The following TMEM185B variants were observed in gnomAD, a reference collection of about 807,000 sequenced individuals.
TMEM185B encodes ee3_2.
Under a neutral mutation model 26.2 loss-of-function variants are expected in TMEM185B, and 9 were observed. That is an observed-to-expected ratio of 0.34 (90% CI 0.21 to 0.60). TMEM185B has a LOEUF of 0.60. Among genes scored for constraint, TMEM185B ranks in the 20% least tolerant of loss-of-function variants. The probability of loss-of-function intolerance (pLI) is 0.80; values close to 1 mark genes in which losing one functional copy is unlikely to be tolerated. For synonymous variants in TMEM185B, 204 were observed against 191.8 expected, an observed-to-expected ratio of 1.06 and a Z score of -0.52; for missense variants, 392 against 447.9, an observed-to-expected ratio of 0.88 and a Z score of 1.13.
In TMEM185B at chr2:120,217,762, C is replaced by T. The variant is rs1688526273; in HGVS notation, c.*4162G>A. Among the ~76,000 whole-genome samples, 1 of 152,192 alleles carries T rather than the reference C, an allele frequency of 6.6e-6. No homozygotes were observed. Among genetic ancestry groups the T allele is most frequent in the Non-Finnish European group, 1.5e-5 (1 of 68,042 alleles). On this transcript the variant is annotated 3_prime_UTR_variant, in exon 1 of 1. Transcript: ENST00000426077. ...TGAGGACCCTCAGGGGTCCTTGGAC[C>T]ACACTGCCGAGGGCATGGTGTGGCA... is the stretch of plus-strand genomic sequence containing the variant.
Position 120,222,207 on chromosome 2 carries a change from AAAGT to A in TMEM185B, c.766_769del (p.Thr256Ter). ...CTTTCGCCTAAATGTTGTGGCCATT[AAAGT>A]TAGTAAGGAAAGCCAAAGGGGGACA... On this transcript the variant is annotated frameshift_variant, in exon 1 of 1. Coordinates refer to ENST00000426077, the MANE Select transcript of TMEM185B (RefSeq NM_024121.3). LOFTEE classifies it high-confidence loss of function. 6.5e-7 allele frequency: 1 copy of A among 1,540,210 alleles called. No individual in the cohort carries two copies. The highest frequency in any genetic ancestry group is 8.7e-7 in the Non-Finnish European group (1 of 1,147,778).
chr2:120,222,838 T>C lies in TMEM185B; in HGVS notation c.139A>G (p.Ile47Val). 6.6e-7 allele frequency: 1 copy of C among 1,511,414 alleles called. No individual in the cohort carries two copies. 93.6% of individuals were successfully genotyped at this position (1,511,414 alleles called of 1,614,324 possible). A position where few individuals can be genotyped will look rare whatever the true frequency, so the allele number is the denominator to read the frequency against. The change falls in exon 1 of 1, where the codon ATA (isoleucine) becomes GTA (valine). Residue 47 changes from isoleucine (I) to valine (V), a missense_variant. Physicochemically the swap from Ile to Val is conservative, Grantham distance 29. Coordinates refer to ENST00000426077, the MANE Select transcript of TMEM185B (RefSeq NM_024121.3). ...QWSYWAVFAPIWLWKLLVVAG... is the reference protein window; with the variant it reads ...QWSYWAVFAPVWLWKLLVVAG... Reference sequence around the variant, plus strand: ...ACGACTAGAAGCTTCCACAGCCATATGGGGGCAAAGACGGCCCAGTAGCTC... The same window carrying C: ...ACGACTAGAAGCTTCCACAGCCATACGGGGGCAAAGACGGCCCAGTAGCTC...
Position 120,221,038 on chromosome 2 carries a change from T to C in TMEM185B, c.*886A>G, listed in dbSNP as rs1688577956. Among the ~76,000 whole-genome samples, 1 of 152,204 alleles carries C rather than the reference T, an allele frequency of 6.6e-6. No individual in the cohort carries two copies. Among genetic ancestry groups the C allele is most frequent in the Admixed American group, 6.5e-5 (1 of 15,290 alleles). On this transcript the variant is annotated 3_prime_UTR_variant, in exon 1 of 1. Transcript: ENST00000426077. ...GTGTGGAAAAATTCAAGTTGCTAAA[T>C]AACAGTGTCACTTTATGGCCTGGTA...
At position 120,222,345 on chromosome 2, in the gene TMEM185B, A is replaced by G. The variant is rs1199334887; in HGVS notation, c.632T>C (p.Val211Ala). The G allele has an allele frequency of 6.5e-7, 1 of 1,536,186 alleles. No homozygotes were observed. The highest frequency in any genetic ancestry group is 2.0e-5 in the Admixed American group (1 of 51,006). ...CGTTATCCAACTGATAGCCATGGTCACGTGTGTTCTCCGCTGCTCGGCAAC... is the reference window on the plus strand; with the variant it reads ...CGTTATCCAACTGATAGCCATGGTCGCGTGTGTTCTCCGCTGCTCGGCAAC... ...DVVAEQRRTH[V>A]TMAISWITIV... is the part of the protein sequence containing the mutation. The change falls in exon 1 of 1, where the codon GTG becomes GCG. Residue 211 changes from valine (V) to alanine (A), a missense_variant. Val to Ala is a moderately conservative substitution (Grantham distance 64). Transcript: ENST00000426077.
Position 120,218,862 on chromosome 2 carries a change from G to A in TMEM185B, c.*3062C>T, listed in dbSNP as rs1489617411. Among the ~76,000 whole-genome samples, 2 of 152,242 alleles carry A rather than the reference G, an allele frequency of 1.3e-5. No individual in the cohort carries two copies. Among genetic ancestry groups the A allele is most frequent in the Non-Finnish European group, 2.9e-5 (2 of 68,042 alleles). On this transcript the variant is annotated 3_prime_UTR_variant, in exon 1 of 1. Transcript: ENST00000426077. The stretch of plus-strand genomic sequence containing the variant: ...CTTGAGAACCATTTTGTAATACTGA[G>A]GTCACGGAGTGACAGCCCCCTGTGT...
chr2:120,221,704 A>G lies in TMEM185B; in HGVS notation c.*220T>C, dbSNP rs1339657959. 15 of 549,346 alleles carry G rather than the reference A, an allele frequency of 2.7e-5. No individual in the cohort carries two copies. Among genetic ancestry groups the G allele is most frequent in the Non-Finnish European group, 4.5e-5 (14 of 314,028 alleles). 34.0% of individuals were successfully genotyped at this position (549,346 alleles called of 1,614,324 possible). A position where few individuals can be genotyped will look rare whatever the true frequency, so the allele number is the denominator to read the frequency against. ...GACTTACTGCCCCCAGCTACACCTG[A>G]AAGTGCGAACCTGGAAAGCAAGTCT... On this transcript the variant is annotated 3_prime_UTR_variant, in exon 1 of 1. Coordinates refer to ENST00000426077, the MANE Select transcript of TMEM185B (RefSeq NM_024121.3).
At position 120,222,656 on chromosome 2, in the gene TMEM185B, C is replaced by G. The variant is rs781203523; in HGVS notation, c.321G>C (p.Arg107Ser). ...FEVLVCDRVE[R>S]GTHFWLLVFM... ...AGACCAGCAGCCAGAAGTGGGTGCC[C>G]CTCTCCACCCTGTCGCAGACCAGGA... Residue 107 changes from arginine to serine, a missense_variant, in exon 1 of 1, where the codon AGG becomes AGC. This residue lies in a region of TMEM185B where 175 missense variants were observed against 169.1 expected (regional missense o/e 1.03). Transcript: ENST00000426077. The G allele has an allele frequency of 2.6e-6, 4 of 1,536,470 alleles. No individual in the cohort carries two copies. The highest frequency in any genetic ancestry group is 3.5e-6 in the Non-Finnish European group (4 of 1,146,998).
chr2:120,219,919 T>C lies in TMEM185B; in HGVS notation c.*2005A>G, dbSNP rs890195660. On this transcript the variant is annotated 3_prime_UTR_variant, in exon 1 of 1. Coordinates refer to ENST00000426077, the MANE Select transcript of TMEM185B (RefSeq NM_024121.3). ...GCTCGGGGTAGGTCTTCAAGAAATA[T>C]TGAGAATATGAATGAATCAATGAAT... 1.3e-5 allele frequency among the ~76,000 whole-genome samples: 2 copies of C among 152,170 alleles called. No homozygotes were observed. Among genetic ancestry groups the C allele is most frequent in the African/African-American group, 4.8e-5 (2 of 41,438 alleles).
At position 120,222,148 on chromosome 2, in the gene TMEM185B, C is replaced by A. The variant is rs977777131; in HGVS notation, c.829G>T (p.Asp277Tyr). Residue 277 changes from aspartate to tyrosine, a missense_variant, in exon 1 of 1, where the codon GAC becomes TAC. By Grantham distance (160) the Asp-to-Tyr change is radical. Around this residue, in one of 3 missense-constraint regions of TMEM185B, gnomAD observed 176 missense variants for 201.6 expected, o/e 0.87. Coordinates refer to ENST00000426077, the MANE Select transcript of TMEM185B (RefSeq NM_024121.3). ...GNHWWFGIRRDFCQFLLEIFP... is the reference protein window; with the variant it reads ...GNHWWFGIRRYFCQFLLEIFP... Reference sequence around the variant, plus strand: ...ATTTCAAGCAGAAACTGACAGAAGTCTCTGCGAATGCCAAACCACCAATGA... The same window carrying A: ...ATTTCAAGCAGAAACTGACAGAAGTATCTGCGAATGCCAAACCACCAATGA... 3.3e-5 allele frequency: 52 copies of A among 1,563,370 alleles called. No homozygotes were observed. Among genetic ancestry groups the A allele is most frequent in the Non-Finnish European group, 4.5e-5 (52 of 1,155,736 alleles).
rs1688540679 is a variant in TMEM185B at position 120,218,870 on chromosome 2, A to G, written c.*3054T>C. 6.6e-6 allele frequency among the ~76,000 whole-genome samples: 1 copy of G among 152,224 alleles called. No individual in the cohort carries two copies. The highest frequency in any genetic ancestry group is 2.4e-5 in the African/African-American group (1 of 41,464). On this transcript the variant is annotated 3_prime_UTR_variant, in exon 1 of 1. Coordinates refer to ENST00000426077, the MANE Select transcript of TMEM185B (RefSeq NM_024121.3). Reference sequence around the variant, plus strand: ...CCATTTTGTAATACTGAGGTCACGGAGTGACAGCCCCCTGTGTGGACTGTG... The same window carrying G: ...CCATTTTGTAATACTGAGGTCACGGGGTGACAGCCCCCTGTGTGGACTGTG...
rs369763701 is a variant in TMEM185B, at chr2:120,223,265, G to C, written c.-289C>G. 4.0e-6 allele frequency: 1 copy of C among 248,054 alleles called. No homozygotes were observed. The highest frequency in any genetic ancestry group is 7.4e-5 in the East Asian group (1 of 13,528). 15.4% of individuals were successfully genotyped at this position (248,054 alleles called of 1,614,324 possible). A position where few individuals can be genotyped will look rare whatever the true frequency, so the allele number is the denominator to read the frequency against. ...CTGCCTCGGTCCCGCCGCCGCCCGCGTTCACTCCGTACCCATCAAGAAGGC... is the reference window on the plus strand; with the variant it reads ...CTGCCTCGGTCCCGCCGCCGCCCGCCTTCACTCCGTACCCATCAAGAAGGC... On this transcript the variant is annotated 5_prime_UTR_variant, in exon 1 of 1. Coordinates refer to ENST00000426077, the MANE Select transcript of TMEM185B (RefSeq NM_024121.3).
At position 120,220,971 on chromosome 2, in the gene TMEM185B, T is replaced by C. The variant is rs748829011; in HGVS notation, c.*953A>G. ...ACTAATAGTTTAAGATTCTTAGAAA[T>C]GGACAAACCACTTGTTGCTTATTTC... is the stretch of plus-strand genomic sequence containing the variant. On this transcript the variant is annotated 3_prime_UTR_variant, in exon 1 of 1. Coordinates refer to ENST00000426077, the MANE Select transcript of TMEM185B (RefSeq NM_024121.3). Among the ~76,000 whole-genome samples the C allele has an allele frequency of 3.9e-5, 6 of 152,186 alleles. No individual in the cohort carries two copies. Among genetic ancestry groups the C allele is most frequent in the Non-Finnish European group, 8.8e-5 (6 of 68,018 alleles).
At position 120,218,897 on chromosome 2, in the gene TMEM185B, T is replaced by C. The variant is rs1330035219; in HGVS notation, c.*3027A>G. 6.6e-6 allele frequency among the ~76,000 whole-genome samples: 1 copy of C among 152,258 alleles called. No individual in the cohort carries two copies. The highest frequency in any genetic ancestry group is 1.5e-5 in the Non-Finnish European group (1 of 68,048). ...TGACAGCCCCCTGTGTGGACTGTGC[T>C]TGTTCCTTGGCCATGCACTGCCTCA... On this transcript the variant is annotated 3_prime_UTR_variant, in exon 1 of 1. Transcript: ENST00000426077.
chr2:120,222,553 G>A lies in TMEM185B; in HGVS notation c.424C>T (p.Leu142=). The change falls in exon 1 of 1, where the codon CTG becomes TTG. Residue 142 remains leucine, a synonymous_variant. Coordinates refer to ENST00000426077, the MANE Select transcript of TMEM185B (RefSeq NM_024121.3). ...ATGTTGACCGAGCACAGGATCTCCA[G>A]CTCCAGCGACCTATCGTGTCGAAAG... ...WGFRHDRSLE[L]EILCSVNILQ... 2 of 1,536,402 alleles carry A rather than the reference G, an allele frequency of 1.3e-6. No individual in the cohort carries two copies. Among genetic ancestry groups the A allele is most frequent in the Non-Finnish European group, 1.7e-6 (2 of 1,146,974 alleles).
In TMEM185B at chr2:120,222,298, A is replaced by C; in HGVS notation, c.679T>G (p.Phe227Val). The C allele has an allele frequency of 6.5e-7, 1 of 1,536,244 alleles. No individual in the cohort carries two copies. Among genetic ancestry groups the C allele is most frequent in the Non-Finnish European group, 8.7e-7 (1 of 1,146,930 alleles). ...WITIVVPLLT[F>V]EVLLVHRLDG... ...AATCTGTGAACCAGCAGGACCTCAA[A>C]AGTGAGCAGAGGCACGACAATCGTT... Residue 227 changes from phenylalanine (F) to valine (V), a missense_variant, in exon 1 of 1, where the codon TTT becomes GTT. Physicochemically the swap from Phe to Val is conservative, Grantham distance 50. Around this residue, in one of 3 missense-constraint regions of TMEM185B, gnomAD observed 176 missense variants for 201.6 expected, o/e 0.87. Transcript: ENST00000426077.
Position 120,218,096 on chromosome 2 carries a change from T to C in TMEM185B, c.*3828A>G, listed in dbSNP as rs1688530454. Among the ~76,000 whole-genome samples the C allele has an allele frequency of 6.6e-6, 1 of 152,206 alleles. No individual in the cohort carries two copies. The highest frequency in any genetic ancestry group is 1.5e-5 in the Non-Finnish European group (1 of 68,038). ...GAACACCCTTCCTTTTGGGAAAATC[T>C]TTTATCGAGTGAGTTCTGGCAGAGT... On this transcript the variant is annotated 3_prime_UTR_variant, in exon 1 of 1. Coordinates refer to ENST00000426077, the MANE Select transcript of TMEM185B (RefSeq NM_024121.3).
In TMEM185B at chr2:120,222,670, C is replaced by T; in HGVS notation, c.307G>A (p.Asp103Asn). ...AAGTGGGTGCCCCTCTCCACCCTGTCGCAGACCAGGACTTCGAACATGAGC... is the reference window on the plus strand; with the variant it reads ...AAGTGGGTGCCCCTCTCCACCCTGTTGCAGACCAGGACTTCGAACATGAGC... ...LLLMFEVLVC[D>N]RVERGTHFWL... The change falls in exon 1 of 1, where the codon GAC (aspartate) becomes AAC (asparagine). Residue 103 changes from aspartate (D) to asparagine (N), a missense_variant. By Grantham distance (23) the Asp-to-Asn change is conservative. This residue lies in a region of TMEM185B where 175 missense variants were observed against 169.1 expected (regional missense o/e 1.03). Coordinates refer to ENST00000426077, the MANE Select transcript of TMEM185B (RefSeq NM_024121.3). 6.5e-7 allele frequency: 1 copy of T among 1,536,536 alleles called. No homozygotes were observed. Among genetic ancestry groups the T allele is most frequent in the South Asian group, 1.2e-5 (1 of 84,062 alleles).
Position 120,223,209 on chromosome 2 carries a change from C to G in TMEM185B, c.-233G>C, listed in dbSNP as rs1266511277. On this transcript the variant is annotated 5_prime_UTR_variant, in exon 1 of 1. Coordinates refer to ENST00000426077, the MANE Select transcript of TMEM185B (RefSeq NM_024121.3). Reference sequence around the variant, plus strand: ...CGCGCTGGGGTGTGGCGCGCGCGGGCACGGGCGGCGCGGCGGTTACAAACT... The same window carrying G: ...CGCGCTGGGGTGTGGCGCGCGCGGGGACGGGCGGCGCGGCGGTTACAAACT... The G allele has an allele frequency of 1.2e-5, 4 of 327,452 alleles. No homozygotes were observed. Among genetic ancestry groups the G allele is most frequent in the Non-Finnish European group, 1.1e-5 (2 of 180,966 alleles). 20.3% of individuals were successfully genotyped at this position (327,452 alleles called of 1,614,324 possible).
Position 120,221,098 on chromosome 2 carries a change from G to C in TMEM185B, c.*826C>G, listed in dbSNP as rs973333914. Among the ~76,000 whole-genome samples, 1 of 152,200 alleles carries C rather than the reference G, an allele frequency of 6.6e-6. No homozygotes were observed. The highest frequency in any genetic ancestry group is 1.5e-5 in the Non-Finnish European group (1 of 68,040). Reference sequence around the variant, plus strand: ...AGCCTGTCACAAGTTCCCAAGGGCAGTGGCCTCTTCCTCTACTAACGGGTA... The same window carrying C: ...AGCCTGTCACAAGTTCCCAAGGGCACTGGCCTCTTCCTCTACTAACGGGTA... On this transcript the variant is annotated 3_prime_UTR_variant, in exon 1 of 1. Transcript: ENST00000426077.
Sources: gnomAD v4.1 joint callset for allele counts (sites outside exome capture counted in the v4.1 genomes callset) on GRCh38, gnomAD v4.1.1 for gene constraint, gnomAD v4.1.1 regional missense constraint, MANE v1.5 for transcripts, NCBI Gene and HGNC (gene_info 2026-07-23, HGNC 2026-07-21) for gene names.